The following ARL2BP variants were observed in gnomAD, a reference collection of about 807,000 sequenced individuals.
ARL2BP encodes ADP-ribosylation factor-like protein 2-binding protein.
A neutral mutation model predicts 24.2 loss-of-function variants in ARL2BP; 19 were observed. That is an observed-to-expected ratio of 0.79 (90% CI 0.55 to 1.15). The LOEUF is 1.15. ARL2BP is among the 50% of genes most tolerant of loss of function. The pLI is 0.00. For synonymous variants in ARL2BP, 56 were observed against 70.5 expected (o/e 0.79, Z 1.03); for missense variants, 160 against 190.4 (o/e 0.84, Z 0.94).
chr16:57,250,233 T>C, intron 4 of ARL2BP, 178 bp from the exon 5 acceptor site: 1 of 620,768 alleles, frequency 1.6e-6, no homozygotes. Flanking sequence ...AAGGCTACAG[T>C]GAGCTATAAT....
rs1409652234 is a variant in ARL2BP, at chr16:57,250,472, C to G, written c.355C>G (p.Leu119Val). The G allele has an allele frequency of 6.2e-7, 1 of 1,614,064 alleles. No homozygotes were observed. The highest frequency in any genetic ancestry group is 1.7e-5 in the Admixed American group (1 of 59,992). ...FDMLLTFTDF[L>V]AFKEMFLDYR... The stretch of plus-strand genomic sequence containing the variant: ...CATGCTGCTCACCTTCACAGATTTT[C>G]TGGCTTTTAAAGAAATGTTTTTGGA... Residue 119 changes from leucine (L) to valine (V), a missense_variant, in exon 5 of 6, where the codon CTG becomes GTG. Leu to Val is a conservative substitution (Grantham distance 32). Coordinates refer to ENST00000219204, the MANE Select transcript of ARL2BP (RefSeq NM_012106.4).
intron 5 of ARL2BP, 91 bp downstream of exon 5, chr16:57,250,598 C>T: frequency 1.0e-6 from 1 of 987,940 alleles, no homozygotes; most frequent in East Asian, 2.5e-5. Context: ...ACGCTTCCCC[C>T]ATCATTCTCC....
intron 1 of ARL2BP, chr16:57,245,850 T>TA: frequency 1.7e-6 from 1 of 581,758 alleles, no homozygotes; most frequent in Non-Finnish European, 3.0e-6. Flanking sequence ...AACAAGTTTT[T>TA]ATTAAAGTGG....
At position 57,252,205 on chromosome 16, in the gene ARL2BP, G is replaced by T. The variant is rs199745978; in HGVS notation, c.430G>T (p.Val144Leu). Residue 144 changes from valine to leucine, a missense_variant, in exon 6 of 6, where the codon GTG becomes TTG. Physicochemically the swap from Val to Leu is conservative, Grantham distance 32 (BLOSUM62 1). Coordinates refer to ENST00000219204, the MANE Select transcript of ARL2BP (RefSeq NM_012106.4). ...GRGLDLSSGL[V>L]VTSLCKSSSL... is the part of the protein sequence containing the mutation. ...AGGACTGGACTTAAGCAGTGGCTTA[G>T]TGGTGACTTCATTGTGCAAATCATC... 9.3e-6 allele frequency: 15 copies of T among 1,614,036 alleles called. No homozygotes were observed. The highest frequency in any genetic ancestry group is 1.3e-5 in the Non-Finnish European group (15 of 1,180,040).
Position 57,253,463 on chromosome 16 carries a change from GA to G in ARL2BP, c.*1197del, listed in dbSNP as rs1437120660. ...AGTTCAATTCCCAGTGTGTCCCTTT[GA>G]TTTTTTTTTTTTAATAGTAAAAATA... On this transcript the variant is annotated 3_prime_UTR_variant, in exon 6 of 6. Coordinates refer to ENST00000219204, the MANE Select transcript of ARL2BP (RefSeq NM_012106.4). The G allele has an allele frequency of 2.6e-5, 4 of 151,316 alleles. No individual in the cohort carries two copies. Among genetic ancestry groups the G allele is most frequent in the African/African-American group, 7.3e-5 (3 of 41,050 alleles). The allele number at this position is 151,316 out of a possible 1,614,324, so 9.4% of individuals were successfully genotyped here. A position where few individuals can be genotyped will look rare whatever the true frequency, so the allele number is the denominator to read the frequency against.
At chr16:57,248,396 T>A in intron 2 of ARL2BP, 141 bp from the exon 3 acceptor site, 2 of 353,640 alleles carry the variant, frequency 5.7e-6, no homozygotes, top group Non-Finnish European at 1.1e-5. Context: ...TCCCATTTAA[T>A]ACCCCCTTAA....
chr16:57,248,620 T>C lies in ARL2BP; in HGVS notation c.184T>C (p.Tyr62His). 6.3e-7 allele frequency: 1 copy of C among 1,591,862 alleles called. No individual in the cohort carries two copies. The highest frequency in any genetic ancestry group is 8.6e-7 in the Non-Finnish European group (1 of 1,168,086). The change falls in exon 3 of 6, where the codon TAC (tyrosine) becomes CAC (histidine). Residue 62 changes from tyrosine to histidine, a missense_variant. Tyr to His is a moderately conservative substitution (Grantham distance 83). Coordinates refer to ENST00000219204, the MANE Select transcript of ARL2BP (RefSeq NM_012106.4). ...FEDTEENKLI[Y>H]TPIFNEYISL... ...AGACACAGAAGAGAATAAACTCATC[T>C]ACACACCTATTTTTAATGAATACGT...
chr16:57,252,115 T>G (rs747386069), intron 5 of ARL2BP, 51 bp from the exon 6 acceptor site: 2 of 1,572,544 alleles, frequency 1.3e-6, no homozygotes, highest in East Asian at 4.5e-5. Context: ...AGAGGCAAGA[T>G]TCCAAGCCAG....
chr16:57,252,062 T>A lies in ARL2BP; in HGVS notation c.391-104T>A, dbSNP rs569164849. 6.4e-5 allele frequency: 57 copies of A among 890,014 alleles called. No individual in the cohort carries two copies. The East Asian group carries it at 1.1e-3, about 17-fold the overall frequency. 55.1% of individuals were successfully genotyped at this position (890,014 alleles called of 1,614,324 possible). On this transcript the variant is annotated intron_variant, in intron 5 of 5. Transcript: ENST00000219204. ...ACCTGTGTTCCCTTCCTATGTACTC[T>A]GGAGGTCCACGTTCCCACCTTCAGC... is the stretch of plus-strand genomic sequence containing the variant.
chr16:57,249,986 C>T, intron 4 of ARL2BP, 134 bp downstream of exon 4: 1 of 760,172 alleles, frequency 1.3e-6, no homozygotes, highest in South Asian at 1.6e-5. Flanking sequence ...GGAGGAAGCC[C>T]TCAAACCTTT....
rs2075413365 is a variant in ARL2BP, at chr16:57,253,019, C to T, written c.*752C>T. ...ATCTTGGAACTTCCATGATTATCCA[C>T]TTAAAGATCAAAGTATTATATGCTG... On this transcript the variant is annotated 3_prime_UTR_variant, in exon 6 of 6. Coordinates refer to ENST00000219204, the MANE Select transcript of ARL2BP (RefSeq NM_012106.4). 6.5e-6 allele frequency: 1 copy of T among 152,712 alleles called. No individual in the cohort carries two copies. Among genetic ancestry groups the T allele is most frequent in the South Asian group, 2.1e-4 (1 of 4,828 alleles). 9.5% of individuals were successfully genotyped at this position (152,712 alleles called of 1,614,324 possible).
At chr16:57,250,621 C>CGATGAGGCATCA in intron 5 of ARL2BP, 114 bp downstream of exon 5, 1 of 800,040 alleles carries the variant, frequency 1.2e-6, no homozygotes, top group Non-Finnish European at 2.1e-6. Context: ...TCAAACTGGC[C>CGATGAGGCATCA]GATGAGGCAT....
At position 57,252,025 on chromosome 16, in the gene ARL2BP, G is replaced by A. The variant is rs940534421; in HGVS notation, c.391-141G>A. On this transcript the variant is annotated intron_variant, in intron 5 of 5. Coordinates refer to ENST00000219204, the MANE Select transcript of ARL2BP (RefSeq NM_012106.4). ...CAGGCCAGTATTGAGCAGAAATGCA[G>A]AATAACCAATAACCTGTGTTCCCTT... is the stretch of plus-strand genomic sequence containing the variant. 2.0e-5 allele frequency: 13 copies of A among 658,682 alleles called. 1 individual carries two copies. The highest frequency in any genetic ancestry group is 3.2e-5 in the Non-Finnish European group (12 of 378,112). 40.8% of individuals were successfully genotyped at this position (658,682 alleles called of 1,614,324 possible). A position where few individuals can be genotyped will look rare whatever the true frequency, so the allele number is the denominator to read the frequency against.
At chr16:57,246,261 C>G (rs1198002809) in intron 2 of ARL2BP, 120 bp downstream of exon 2, 12 of 953,024 alleles carry the variant, frequency 1.3e-5, no homozygotes, top group Non-Finnish European at 2.0e-5. Context: ...TTTAATGTAG[C>G]ACAATGTAAT....
At chr16:57,245,885 CACAA>C (rs1267134583) in intron 1 of ARL2BP, 191 bp from the exon 2 acceptor site, 12 of 619,524 alleles carry the variant, frequency 1.9e-5, no homozygotes, top group African/African-American at 3.7e-5. Flanking sequence ...ACGTTCATGT[CACAA>C]ACGTGCCGAG....
intron 5 of ARL2BP, 105 bp from the exon 6 acceptor site, chr16:57,252,061 C>A: frequency 1.1e-6 from 1 of 880,940 alleles, no homozygotes. Context: ...CCTATGTACT[C>A]TGGAGGTCCA....
At position 57,252,424 on chromosome 16, in the gene ARL2BP, C is replaced by T; in HGVS notation, c.*157C>T. ...AGGTCAAAACCAAAATGACCTAACCCTCCTGGACCTATTTATCCTGAAACA... is the reference window on the plus strand; with the variant it reads ...AGGTCAAAACCAAAATGACCTAACCTTCCTGGACCTATTTATCCTGAAACA... On this transcript the variant is annotated 3_prime_UTR_variant, in exon 6 of 6. Coordinates refer to ENST00000219204, the MANE Select transcript of ARL2BP (RefSeq NM_012106.4). The T allele has an allele frequency of 1.5e-6, 2 of 1,361,322 alleles. No individual in the cohort carries two copies. The highest frequency in any genetic ancestry group is 2.0e-6 in the Non-Finnish European group (2 of 1,002,760). The allele number at this position is 1,361,322 out of a possible 1,614,324, so 84.3% of individuals were successfully genotyped here.
intron 2 of ARL2BP, among the ~76,000 whole-genome samples, chr16:57,248,092 T>G (rs543437544): frequency 6.6e-6 from 1 of 152,064 alleles, no homozygotes; most frequent in South Asian, 2.1e-4. Flanking sequence ...GGCAGGCAGA[T>G]CACCTGAGGT....
chr16:57,245,322 C>G lies in ARL2BP; in HGVS notation c.-46C>G, dbSNP rs775557045. The G allele has an allele frequency of 6.3e-7, 1 of 1,590,006 alleles. No homozygotes were observed. The highest frequency in any genetic ancestry group is 1.3e-5 in the African/African-American group (1 of 74,694). On this transcript the variant is annotated 5_prime_UTR_variant, in exon 1 of 6. Coordinates refer to ENST00000219204, the MANE Select transcript of ARL2BP (RefSeq NM_012106.4). ...CCGCCGGGCGGCCGCGCCCTGCATG[C>G]GAGTTGGGCCGCGGGCGGGGTTGGA...
Sources: gnomAD v4.1 joint callset for allele counts (sites outside exome capture counted in the v4.1 genomes callset) on GRCh38, gnomAD v4.1.1 for gene constraint, MANE v1.5 for transcripts, NCBI Gene and HGNC (gene_info 2026-07-23, HGNC 2026-07-21) for gene names.